The following MYOZ3 variants were observed in gnomAD, a reference collection of about 807,000 sequenced individuals.
The protein encoded by MYOZ3 is myozenin 3.
A neutral mutation model predicts 26.5 loss-of-function variants in MYOZ3; 19 were observed. That is an observed-to-expected ratio of 0.72 (90% confidence interval 0.50 to 1.05). MYOZ3 has a LOEUF of 1.05. Among genes scored for constraint, MYOZ3 ranks in the 50% least tolerant of loss-of-function variants. The probability of loss-of-function intolerance (pLI) is 0.00; values close to 1 mark genes in which losing one functional copy is unlikely to be tolerated. For synonymous variants in MYOZ3, 135 were observed against 138.8 expected (o/e 0.97, Z 0.19); for missense variants, 322 against 337.1 (o/e 0.96, Z 0.35).
At chr5:150,666,632 T>A (rs866053335) in intron 2 of MYOZ3, among the ~76,000 whole-genome samples, 4,198 of 127,508 alleles carry the variant, frequency 0.033, 85 homozygotes, top group South Asian at 0.091. Context: ...AAAAAAAAAA[T>A]ATATATATAT....
rs372605774 is a variant in MYOZ3, at chr5:150,670,651, C to A, written c.216+13C>A. 9.4e-6 allele frequency: 15 copies of A among 1,597,022 alleles called. No individual in the cohort carries two copies. The highest frequency in any genetic ancestry group is 1.7e-4 in the Middle Eastern group (1 of 6,010). ...CAGCCAGCGGGCGGTGAGTAAGCCA[C>A]CATTGTGCTCATGGGGAAAATGAGG... On this transcript the variant is annotated intron_variant, in intron 3 of 6. Transcript: ENST00000517768.
At chr5:150,664,365 T>C (rs965368592) in intron 2 of MYOZ3, among the ~76,000 whole-genome samples, 1 of 152,144 alleles carries the variant, frequency 6.6e-6, no homozygotes, top group African/African-American at 2.4e-5. Context: ...GGGGAGTTCA[T>C]TACAGACCCC....
intron 2 of MYOZ3, among the ~76,000 whole-genome samples, chr5:150,665,405 G>GGT (rs1422444600): frequency 6.6e-6 from 1 of 152,102 alleles, no homozygotes; most frequent in Non-Finnish European, 1.5e-5. Flanking sequence ...AGAAGGTGGT[G>GGT]GTGTGAACTC....
At chr5:150,669,468 A>C (rs1758866237) in intron 2 of MYOZ3, among the ~76,000 whole-genome samples, 1 of 151,942 alleles carries the variant, frequency 6.6e-6, no homozygotes, top group African/African-American at 2.4e-5. Flanking sequence ...GTATGCTATA[A>C]TTTTATTTTG....
chr5:150,666,033 TAAAA>T (rs61227926), intron 2 of MYOZ3, among the ~76,000 whole-genome samples: 1 of 115,814 alleles, frequency 8.6e-6, no homozygotes, highest in Non-Finnish European at 1.8e-5. Context: ...GAAACTCGTC[TAAAA>T]AAAAAAAAAA....
At position 150,667,605 on chromosome 5, in the gene MYOZ3, C is replaced by T. The variant is rs114796020; in HGVS notation, c.62-2879C>T. On this transcript the variant is annotated intron_variant, in intron 2 of 6. Coordinates refer to ENST00000517768, the MANE Select transcript of MYOZ3 (RefSeq NM_001122853.3). ...ATTGTCAAATGTTCCCGTCAGTTAA[C>T]GCACATGCTGTTATTTCTCCATTTT... Among the ~76,000 whole-genome samples the T allele has an allele frequency of 3.0e-3, 455 of 151,712 alleles. 3 individuals are homozygous for T. Among genetic ancestry groups the T allele is most frequent in the South Asian group, 0.017 (80 of 4,808 alleles).
chr5:150,671,683 GCTGGGGGAA>G, intron 4 of MYOZ3, 33 bp downstream of exon 4: 1 of 1,613,710 alleles, frequency 6.2e-7, no homozygotes, highest in Non-Finnish European at 8.5e-7. Context: ...TGGAAGGGAA[GCTGGGGGAA>G]GGGGAGCGCG....
chr5:150,678,710 AC>A lies in MYOZ3; in HGVS notation c.*1837del, dbSNP rs1339955733. ...AGTGTAAGATGAGGACAAGTATAAAACCTCCTTTATGGGTTTGTTGTGAACA... is the reference window on the plus strand; with the variant it reads ...AGTGTAAGATGAGGACAAGTATAAAACTCCTTTATGGGTTTGTTGTGAACA... On this transcript the variant is annotated 3_prime_UTR_variant, in exon 7 of 7. Coordinates refer to ENST00000517768, the MANE Select transcript of MYOZ3 (RefSeq NM_001122853.3). The A allele has an allele frequency of 6.6e-6, 1 of 152,004 alleles. No homozygotes were observed. Among genetic ancestry groups the A allele is most frequent in the Non-Finnish European group, 1.5e-5 (1 of 68,006 alleles). The allele number at this position is 152,004 out of a possible 1,614,324, so 9.4% of individuals were successfully genotyped here. A position where few individuals can be genotyped will look rare whatever the true frequency, so the allele number is the denominator to read the frequency against.
chr5:150,673,902 C>A (rs866363564), intron 6 of MYOZ3, among the ~76,000 whole-genome samples: 20 of 152,152 alleles, frequency 1.3e-4, no homozygotes, highest in African/African-American at 4.3e-4. Context: ...ACGCCACGGT[C>A]CTGCTCTTCT....
intron 2 of MYOZ3, among the ~76,000 whole-genome samples, chr5:150,668,564 A>T (rs1758843665): frequency 6.6e-6 from 1 of 152,116 alleles, no homozygotes; most frequent in Non-Finnish European, 1.5e-5. Context: ...TTATGATCTC[A>T]TCCAGCCTCC....
chr5:150,662,876 C>T (rs1183858779), intron 1 of MYOZ3, 65 bp from the exon 2 acceptor site: 3 of 1,438,562 alleles, frequency 2.1e-6, no homozygotes, highest in Non-Finnish European at 9.8e-7. Context: ...GAACCAGAGA[C>T]TGGAAGGAGG....
At chr5:150,670,260 A>C in intron 2 of MYOZ3, 1 of 422,972 alleles carries the variant, frequency 2.4e-6, no homozygotes, top group Non-Finnish European at 4.1e-6. Flanking sequence ...AACTTCGGAA[A>C]CAGTGCTAAA....
chr5:150,672,536 G>C (rs772694815), intron 6 of MYOZ3, 34 bp downstream of exon 6: 4 of 1,526,628 alleles, frequency 2.6e-6, no homozygotes, highest in Non-Finnish European at 3.5e-6. Flanking sequence ...GGGACAGACC[G>C]GGAGGGGCGG....
intron 6 of MYOZ3, among the ~76,000 whole-genome samples, chr5:150,675,565 G>T (rs1354021112): frequency 6.6e-6 from 1 of 152,114 alleles, no homozygotes; most frequent in African/African-American, 2.4e-5. Context: ...TAGCGACGGG[G>T]TTTCACCATG....
intron 6 of MYOZ3, among the ~76,000 whole-genome samples, chr5:150,675,703 C>T (rs1262513476): frequency 6.6e-6 from 1 of 152,152 alleles, no homozygotes; most frequent in Middle Eastern, 3.2e-3. Context: ...TGTGAGCATG[C>T]TCTATCTGTC....
chr5:150,663,391 T>C (rs1263110676), intron 2 of MYOZ3, among the ~76,000 whole-genome samples: 1 of 152,180 alleles, frequency 6.6e-6, no homozygotes, highest in Non-Finnish European at 1.5e-5. Context: ...CCTGTGGGTC[T>C]CACCGAGGCC....
intron 2 of MYOZ3, among the ~76,000 whole-genome samples, chr5:150,667,375 G>A (rs1758826202): frequency 1.3e-5 from 2 of 152,082 alleles, no homozygotes; most frequent in Non-Finnish European, 2.9e-5. Context: ...GTAACCAGAA[G>A]AGAACATCTG....
intron 6 of MYOZ3, among the ~76,000 whole-genome samples, 173 bp from the exon 7 acceptor site, chr5:150,676,534 A>C (rs1759009259): frequency 7.6e-6 from 1 of 132,394 alleles, no homozygotes. Flanking sequence ...ACAGAGCGAG[A>C]CTCTGTCTCA....
chr5:150,663,069 C>T lies in MYOZ3; in HGVS notation c.61+67C>T, dbSNP rs1173652982. ...TTTCCTTGCTCCCAGGCTGCACTCACTCTGGCCTGCTGGCCCCAGGCCTGG... is the reference window on the plus strand; with the variant it reads ...TTTCCTTGCTCCCAGGCTGCACTCATTCTGGCCTGCTGGCCCCAGGCCTGG... On this transcript the variant is annotated intron_variant, in intron 2 of 6. Transcript: ENST00000517768. 7 of 1,370,422 alleles carry T rather than the reference C, an allele frequency of 5.1e-6. No individual in the cohort carries two copies. In the Admixed American group the frequency reaches 1.0e-4, roughly 20 times the overall value. 84.9% of individuals were successfully genotyped at this position (1,370,422 alleles called of 1,614,324 possible).
Sources: allele counts gnomAD v4.1 joint callset (sites outside exome capture counted in the v4.1 genomes callset), GRCh38; gene constraint gnomAD v4.1.1; transcripts MANE v1.5; gene names NCBI Gene and HGNC (gene_info 2026-07-23, HGNC 2026-07-21).